Variants in COL23A1 observed in about 807,000 individuals in gnomAD.
COL23A1 encodes collagen alpha-1(XXIII) chain.
A neutral mutation model predicts 99.3 loss-of-function variants in COL23A1; 97 were observed. The ratio of observed to expected loss-of-function variants is 0.98; its 90% CI spans 0.83 to 1.16. COL23A1 has a LOEUF of 1.16. COL23A1 is among the 50% of genes most tolerant of loss of function. The probability of loss-of-function intolerance (pLI) is 0.00; values close to 1 mark genes in which losing one functional copy is unlikely to be tolerated. For missense variants in COL23A1, 762 were observed against 757.4 expected, an observed-to-expected ratio of 1.01 and a Z score of -0.07; for synonymous variants, 320 against 308.2, an observed-to-expected ratio of 1.04 and a Z score of -0.40.
intron 2 of COL23A1, among the ~76,000 whole-genome samples, chr5:178,437,518 G>T (rs2127831277): frequency 6.6e-6 from 1 of 152,316 alleles, no homozygotes; most frequent in African/African-American, 2.4e-5. Context: ...GTGGTGGGGA[G>T]GAGGGTAGAA....
intron 2 of COL23A1, among the ~76,000 whole-genome samples, chr5:178,508,771 C>T: frequency 6.6e-6 from 1 of 152,170 alleles, no homozygotes; most frequent in East Asian, 1.9e-4. Flanking sequence ...GAGGCTAGCC[C>T]TCTCCCGATC....
chr5:178,282,730 C>T (rs1360565280), intron 5 of COL23A1, among the ~76,000 whole-genome samples: 1 of 152,202 alleles, frequency 6.6e-6, no homozygotes, highest in Non-Finnish European at 1.5e-5. Context: ...AATACTTGCA[C>T]CTGCTTCCCT....
chr5:178,358,482 T>C (rs1427353953), intron 2 of COL23A1, among the ~76,000 whole-genome samples: 1 of 146,024 alleles, frequency 6.8e-6, no homozygotes, highest in Non-Finnish European at 1.5e-5. Context: ...CGTATGCGTA[T>C]ATATGTGTGT....
chr5:178,496,096 G>A (rs766442897), intron 2 of COL23A1, among the ~76,000 whole-genome samples: 4 of 152,174 alleles, frequency 2.6e-5, no homozygotes, highest in Non-Finnish European at 2.9e-5. Context: ...GGACAGGGTA[G>A]GAGGCAGGAT....
At chr5:178,351,069 A>C (rs894117511) in intron 2 of COL23A1, 8 of 152,216 alleles carry the variant, frequency 5.3e-5, no homozygotes, top group Non-Finnish European at 4.4e-5. Context: ...CAGGAAAGTC[A>C]CGCTTCGCAG....
At chr5:178,413,685 T>C (rs757959633) in intron 2 of COL23A1, among the ~76,000 whole-genome samples, 1 of 152,214 alleles carries the variant, frequency 6.6e-6, no homozygotes, top group African/African-American at 2.4e-5. Context: ...GGCTGCATGA[T>C]TGCTCTTAGC....
At chr5:178,502,387 T>A (rs1360418042) in intron 2 of COL23A1, among the ~76,000 whole-genome samples, 1 of 152,194 alleles carries the variant, frequency 6.6e-6, no homozygotes, top group Non-Finnish European at 1.5e-5. Flanking sequence ...CGCCTCGGCC[T>A]CCCAAAGTGC....
chr5:178,406,067 C>T (rs1764748307), intron 2 of COL23A1, among the ~76,000 whole-genome samples: 1 of 152,188 alleles, frequency 6.6e-6, no homozygotes, highest in Admixed American at 6.5e-5. Flanking sequence ...TGCGCCACTG[C>T]ACTCCAGCCT....
At chr5:178,481,831 C>G (rs1263042744) in intron 2 of COL23A1, among the ~76,000 whole-genome samples, 1 of 136,610 alleles carries the variant, frequency 7.3e-6, no homozygotes, top group East Asian at 2.2e-4. Flanking sequence ...AGTGAGAACA[C>G]TTGGACACAG....
rs573623804 is a variant in COL23A1 at position 178,556,097 on chromosome 5, A to G, written c.361+4585T>C. Among the ~76,000 whole-genome samples, 8 of 152,366 alleles carry G rather than the reference A, an allele frequency of 5.3e-5. No individual in the cohort carries two copies. The South Asian group carries it at 6.2e-4, about 12-fold the overall frequency. On this transcript the variant is annotated intron_variant, in intron 2 of 28. Coordinates refer to ENST00000390654, the MANE Select transcript of COL23A1 (RefSeq NM_173465.4). ...AATAACACAGGGTCGGAAATGACCC[A>G]AACGTCCTTGGCGGGGACTGGCCAA...
At position 178,290,313 on chromosome 5, in the gene COL23A1, C is replaced by A. The variant is rs374932095; in HGVS notation, c.414+49G>T. The A allele has an allele frequency of 1.7e-5, 27 of 1,613,444 alleles. No homozygotes were observed. In the Middle Eastern group the frequency reaches 9.9e-4, roughly 59 times the overall value. ...TCATGGAATTGCAACAGAGAGAGAA[C>A]CAAACATCTTATCTTTCAGAAGCAG... is the stretch of plus-strand genomic sequence containing the variant. On this transcript the variant is annotated intron_variant, in intron 4 of 28. Coordinates refer to ENST00000390654, the MANE Select transcript of COL23A1 (RefSeq NM_173465.4).
chr5:178,266,363 G>A (rs1755899933), intron 8 of COL23A1, among the ~76,000 whole-genome samples: 1 of 152,012 alleles, frequency 6.6e-6, no homozygotes, highest in Non-Finnish European at 1.5e-5. Flanking sequence ...AACTTTGTGT[G>A]TGCATGTGTG....
At chr5:178,249,334 AC>A in intron 18 of COL23A1, 128 bp from the exon 19 acceptor site, 1 of 888,994 alleles carries the variant, frequency 1.1e-6, no homozygotes, top group Admixed American at 1.9e-5. Context: ...ACCTCCAGCC[AC>A]AGTGGCTGGG....
chr5:178,249,669 C>T (rs1764905941), intron 18 of COL23A1, among the ~76,000 whole-genome samples: 1 of 144,882 alleles, frequency 6.9e-6, no homozygotes, highest in South Asian at 2.2e-4. Flanking sequence ...AATATGCTTA[C>T]GTCTGTATAG....
At chr5:178,509,278 G>C (rs570458441) in intron 2 of COL23A1, among the ~76,000 whole-genome samples, 1 of 151,652 alleles carries the variant, frequency 6.6e-6, no homozygotes, top group African/African-American at 2.4e-5. Context: ...CTGGAGTGCA[G>C]TGACGCAATC....
intron 1 of COL23A1, among the ~76,000 whole-genome samples, chr5:178,586,143 G>GA (rs1259590551): frequency 6.6e-6 from 1 of 152,226 alleles, no homozygotes; most frequent in East Asian, 1.9e-4. Flanking sequence ...GTGTGGCCAA[G>GA]TCGCTGACAG....
intron 2 of COL23A1, among the ~76,000 whole-genome samples, chr5:178,357,789 T>TAC (rs1181481245): frequency 6.8e-6 from 1 of 146,652 alleles, no homozygotes; most frequent in Non-Finnish European, 1.5e-5. Context: ...TGTGTATGTG[T>TAC]GTGTGTATGT....
chr5:178,451,534 G>C (rs1290161525), intron 2 of COL23A1, among the ~76,000 whole-genome samples: 1 of 151,322 alleles, frequency 6.6e-6, no homozygotes, highest in Non-Finnish European at 1.5e-5. Context: ...AGGCACATAA[G>C]TAATCTCAGC....
chr5:178,501,373 A>G (rs2127985052), intron 2 of COL23A1, among the ~76,000 whole-genome samples: 1 of 152,284 alleles, frequency 6.6e-6, no homozygotes, highest in South Asian at 2.1e-4. Flanking sequence ...ACCTGAGGTC[A>G]GGAGTTCGAG....
Sources: allele counts gnomAD v4.1 joint callset (sites outside exome capture counted in the v4.1 genomes callset), GRCh38; gene constraint gnomAD v4.1.1; transcripts MANE v1.5; gene names NCBI Gene and HGNC (gene_info 2026-07-23, HGNC 2026-07-21).